The following CEP70 variants were observed in gnomAD, a reference collection of about 807,000 sequenced individuals.
CEP70 encodes centrosomal protein of 70 kDa.
In CEP70, 70 loss-of-function variants were observed where a neutral mutation model predicts 90.9. The ratio of observed to expected loss-of-function variants is 0.77; its 90% CI spans 0.64 to 0.94. The LOEUF is 0.94. Ranked by LOEUF, CEP70 falls within the 40% of genes least tolerant of loss-of-function variation. CEP70 has a pLI of 0.00. For synonymous variants in CEP70, 220 were observed against 228.3 expected (o/e 0.96, Z 0.33); for missense variants, 648 against 669.0 (o/e 0.97, Z 0.35).
intron 17 of CEP70, 96 bp from the exon 18 acceptor site, chr3:138,495,172 CAT>C (rs1376796536): frequency 5.9e-6 from 4 of 682,548 alleles, no homozygotes; most frequent in South Asian, 3.5e-5. Context: ...AAACCCCAAA[CAT>C]AAAGGCAATA....
At chr3:138,521,742 G>A (rs1298712684) in intron 11 of CEP70, among the ~76,000 whole-genome samples, 1 of 152,130 alleles carries the variant, frequency 6.6e-6, no homozygotes, top group Admixed American at 6.5e-5. Context: ...TGTCTGGGAA[G>A]TGAGGAGCCC....
chr3:138,518,685 T>C (rs959849501), intron 11 of CEP70, among the ~76,000 whole-genome samples: 1 of 151,904 alleles, frequency 6.6e-6, no homozygotes, highest in African/African-American at 2.4e-5. Context: ...CATCTGTACA[T>C]CATCATCATC....
At chr3:138,524,687 A>G (rs1403006861) in intron 11 of CEP70, among the ~76,000 whole-genome samples, 1 of 152,236 alleles carries the variant, frequency 6.6e-6, no homozygotes, top group Non-Finnish European at 1.5e-5. Flanking sequence ...TGGCCATCAG[A>G]GAAATGCAAA....
At chr3:138,526,576 G>A (rs1051454334) in intron 10 of CEP70, among the ~76,000 whole-genome samples, 2 of 152,148 alleles carry the variant, frequency 1.3e-5, no homozygotes, top group African/African-American at 4.8e-5. Flanking sequence ...ATGAAAAAAG[G>A]CTCAACAATG....
chr3:138,583,692 AG>A (rs71626069), intron 2 of CEP70, among the ~76,000 whole-genome samples: 18,025 of 152,102 alleles, frequency 0.12, 2,157 homozygotes, highest in East Asian at 0.37. Flanking sequence ...ATTAATCAAT[AG>A]GCTCCTGAAT....
intron 6 of CEP70, among the ~76,000 whole-genome samples, chr3:138,540,188 C>A (rs1171324578): frequency 1.3e-5 from 2 of 151,942 alleles, no homozygotes; most frequent in East Asian, 3.9e-4. Flanking sequence ...ATGCAGCCAA[C>A]AAGCATATTA....
chr3:138,539,769 G>A (rs534578601), intron 6 of CEP70, among the ~76,000 whole-genome samples: 23 of 152,252 alleles, frequency 1.5e-4, no homozygotes, highest in African/African-American at 5.5e-4. Flanking sequence ...TAACAGAAAA[G>A]TATCCAAATT....
chr3:138,502,502 T>C (rs2034604094), intron 13 of CEP70, among the ~76,000 whole-genome samples: 1 of 151,810 alleles, frequency 6.6e-6, no homozygotes, highest in Non-Finnish European at 1.5e-5. Flanking sequence ...AAATTCCATG[T>C]CAAATGAATG....
intron 11 of CEP70, among the ~76,000 whole-genome samples, chr3:138,523,289 G>T (rs1193112409): frequency 2.0e-5 from 3 of 152,154 alleles, no homozygotes; most frequent in Non-Finnish European, 4.4e-5. Context: ...GCAAAAACTG[G>T]AAGCATTCCC....
intron 6 of CEP70, among the ~76,000 whole-genome samples, chr3:138,548,432 T>C (rs945672459): frequency 1.3e-5 from 2 of 152,198 alleles, no homozygotes; most frequent in African/African-American, 4.8e-5. Flanking sequence ...ATGCAATATA[T>C]AAACTATCAT....
At chr3:138,581,231 G>A (rs1222347654) in intron 2 of CEP70, among the ~76,000 whole-genome samples, 1 of 149,088 alleles carries the variant, frequency 6.7e-6, no homozygotes, top group Non-Finnish European at 1.5e-5. Flanking sequence ...GCAGTGAGCC[G>A]AGATCCCGCC....
chr3:138,513,734 G>T (rs2035745961), intron 11 of CEP70, among the ~76,000 whole-genome samples: 1 of 152,156 alleles, frequency 6.6e-6, no homozygotes, highest in African/African-American at 2.4e-5. Flanking sequence ...GTAGGATTTT[G>T]TTTTTCCCCT....
intron 6 of CEP70, among the ~76,000 whole-genome samples, chr3:138,559,612 C>T (rs2040254026): frequency 6.6e-6 from 1 of 152,248 alleles, no homozygotes; most frequent in Middle Eastern, 3.4e-3. Context: ...GTAATCCCAG[C>T]TACTCAGGTG....
intron 2 of CEP70, among the ~76,000 whole-genome samples, chr3:138,577,571 C>G (rs909640822): frequency 2.0e-5 from 3 of 152,052 alleles, no homozygotes; most frequent in African/African-American, 7.2e-5. Context: ...TCACTTGAAC[C>G]CAGGAGATGG....
intron 6 of CEP70, among the ~76,000 whole-genome samples, chr3:138,541,444 T>G (rs1485789220): frequency 6.8e-6 from 1 of 146,498 alleles, no homozygotes; most frequent in African/African-American, 2.5e-5. Flanking sequence ...AAAAAAAACC[T>G]GTCAACCAAG....
chr3:138,510,051 A>T (rs1012403680), intron 11 of CEP70, among the ~76,000 whole-genome samples: 5 of 152,204 alleles, frequency 3.3e-5, no homozygotes, highest in African/African-American at 1.2e-4. Flanking sequence ...GGTTGCTAAG[A>T]TATACAGTGA....
chr3:138,544,785 C>T (rs576015624), intron 6 of CEP70, among the ~76,000 whole-genome samples: 19 of 152,106 alleles, frequency 1.2e-4, no homozygotes, highest in South Asian at 2.1e-4. Flanking sequence ...GAGGTCATTA[C>T]GTTAAATGAA....
intron 2 of CEP70, among the ~76,000 whole-genome samples, chr3:138,590,622 A>C (rs2042333566): frequency 6.6e-6 from 1 of 151,496 alleles, no homozygotes; most frequent in Non-Finnish European, 1.5e-5. Flanking sequence ...CAACATGGTG[A>C]TACCCCGTTT....
In CEP70 at chr3:138,587,147, T is replaced by C. The variant is rs1576959097; in HGVS notation, c.-6+4707A>G. Among the ~76,000 whole-genome samples, 3 of 151,786 alleles carry C rather than the reference T, an allele frequency of 2.0e-5. No homozygotes were observed. The South Asian group carries it at 6.2e-4, about 32-fold the overall frequency. On this transcript the variant is annotated intron_variant, in intron 2 of 17. Coordinates refer to ENST00000264982, the MANE Select transcript of CEP70 (RefSeq NM_024491.4). The stretch of plus-strand genomic sequence containing the variant: ...TAAACAACATAATTAGAAATAAAAC[T>C]TGGAAATGAGCTGATAGAATCTAGA...
Sources: allele counts gnomAD v4.1 joint callset (sites outside exome capture counted in the v4.1 genomes callset), GRCh38; gene constraint gnomAD v4.1.1; transcripts MANE v1.5; gene names NCBI Gene and HGNC (gene_info 2026-07-23, HGNC 2026-07-21).